Variants in LRFN5 observed in about 807,000 individuals in gnomAD.
The protein encoded by LRFN5 is leucine rich repeat and fibronectin type III domain containing 5.
LRFN5 carries 24 observed loss-of-function variants against 45.6 expected under a neutral mutation model. That is an observed-to-expected ratio of 0.53 (90% CI 0.38 to 0.74). The LOEUF (loss-of-function observed/expected upper bound fraction) is 0.74, where lower values mean the gene tolerates loss of function less well. Ranked by LOEUF, LRFN5 falls within the 30% of genes least tolerant of loss-of-function variation. The probability of loss-of-function intolerance (pLI) is 0.00; values close to 1 mark genes in which losing one functional copy is unlikely to be tolerated. For synonymous variants in LRFN5, 340 were observed against 313.8 expected (o/e 1.08, Z -0.88); for missense variants, 776 against 861.5 (o/e 0.90, Z 1.24).
intron 1 of LRFN5, among the ~76,000 whole-genome samples, chr14:41,727,979 G>T (rs1884007203): frequency 6.6e-6 from 1 of 152,080 alleles, no homozygotes; most frequent in Non-Finnish European, 1.5e-5. Flanking sequence ...TCTCCAGAGA[G>T]GTCAGTTGCA....
intron 4 of LRFN5, chr14:41,893,236 A>G (rs1890840681): frequency 1.0e-6 from 1 of 961,594 alleles, no homozygotes; most frequent in Admixed American, 6.2e-5. Context: ...GTAGAAACTA[A>G]TGTTGCTCCT....
intron 1 of LRFN5, among the ~76,000 whole-genome samples, chr14:41,747,553 C>A (rs973577714): frequency 6.6e-6 from 1 of 151,924 alleles, no homozygotes. Context: ...ATAACACTGA[C>A]AACTATAACC....
chr14:41,792,120 G>A (rs1481222725), intron 2 of LRFN5, among the ~76,000 whole-genome samples: 1 of 151,986 alleles, frequency 6.6e-6, no homozygotes, highest in Admixed American at 6.6e-5. Flanking sequence ...ATCACATATC[G>A]GTAGGACCAT....
chr14:41,731,007 A>G (rs1450312923), intron 1 of LRFN5, among the ~76,000 whole-genome samples: 1 of 152,074 alleles, frequency 6.6e-6, no homozygotes, highest in African/African-American at 2.4e-5. Context: ...TCATTTTTAA[A>G]AACAAAAGGA....
Position 41,671,617 on chromosome 14 carries a change from G to GTTTTTTTTTTTTTTTTTTTTTTTTTTT in LRFN5, c.-197+63075_-197+63076insTTTTTTTTTTTTTTTTTTTTTTTTTTT, listed in dbSNP as rs914212982. ...TGTGGAGGAGAGATTTTTTTTTTTC[G>GTTTTTTTTTTTTTTTTTTTTTTTTTTT]TTTTTTTTTTTTTTTTTTTTACGGA... is the stretch of plus-strand genomic sequence containing the variant. On this transcript the variant is annotated intron_variant, in intron 1 of 5. Coordinates refer to ENST00000298119, the MANE Select transcript of LRFN5 (RefSeq NM_152447.5). Among the ~76,000 whole-genome samples, 20 of 78,024 alleles carry GTTTTTTTTTTTTTTTTTTTTTTTTTTT rather than the reference G, an allele frequency of 2.6e-4. 4 individuals are homozygous for GTTTTTTTTTTTTTTTTTTTTTTTTTTT. Among genetic ancestry groups the GTTTTTTTTTTTTTTTTTTTTTTTTTTT allele is most frequent in the East Asian group, 1.3e-3 (3 of 2,292 alleles). 51.2% of individuals were successfully genotyped at this position (78,024 alleles called of 152,430 possible).
At chr14:41,839,395 T>C (rs1398132957) in intron 2 of LRFN5, among the ~76,000 whole-genome samples, 2 of 152,068 alleles carry the variant, frequency 1.3e-5, no homozygotes, top group African/African-American at 4.8e-5. Flanking sequence ...AAATGTATAT[T>C]TGATCCTTAA....
chr14:41,779,397 G>T (rs1050227095), intron 2 of LRFN5, among the ~76,000 whole-genome samples: 2 of 151,618 alleles, frequency 1.3e-5, no homozygotes, highest in African/African-American at 4.8e-5. Context: ...AGAAATTTTT[G>T]GATCTATGTT....
intron 2 of LRFN5, among the ~76,000 whole-genome samples, chr14:41,769,554 G>A (rs1025072201): frequency 2.0e-5 from 3 of 152,076 alleles, no homozygotes; most frequent in African/African-American, 7.2e-5. Context: ...ATGTATATAT[G>A]TGTACGTATA....
intron 2 of LRFN5, among the ~76,000 whole-genome samples, chr14:41,843,515 G>A (rs770312311): frequency 2.5e-4 from 38 of 151,624 alleles, no homozygotes; most frequent in South Asian, 4.2e-4. Flanking sequence ...TATAAAAATC[G>A]TCTTCTGTGT....
chr14:41,814,607 G>A (rs1480847608), intron 2 of LRFN5, among the ~76,000 whole-genome samples: 4 of 152,182 alleles, frequency 2.6e-5, no homozygotes, highest in African/African-American at 9.6e-5. Flanking sequence ...TTCTGGCCTG[G>A]CCTTGTTAGG....
chr14:41,752,611 G>C (rs1445770705), intron 1 of LRFN5, among the ~76,000 whole-genome samples: 3 of 152,092 alleles, frequency 2.0e-5, no homozygotes, highest in Admixed American at 6.6e-5. Flanking sequence ...TGATGGGGTT[G>C]TTTGTTTTTT....
chr14:41,660,864 CA>C (rs1355144888), intron 1 of LRFN5, among the ~76,000 whole-genome samples: 1 of 150,836 alleles, frequency 6.6e-6, no homozygotes, highest in African/African-American at 2.4e-5. Flanking sequence ...ATTTAGAATG[CA>C]TAGTTAAATA....
At chr14:41,769,655 AAATATAT>A (rs1886011069) in intron 2 of LRFN5, among the ~76,000 whole-genome samples, 1 of 152,184 alleles carries the variant, frequency 6.6e-6, no homozygotes, top group African/African-American at 2.4e-5. Context: ...TAATGACATT[AAATATAT>A]AATATTTAAG....
intron 1 of LRFN5, among the ~76,000 whole-genome samples, chr14:41,716,582 C>A (rs1354337460): frequency 2.0e-5 from 3 of 152,174 alleles, no homozygotes; most frequent in African/African-American, 7.2e-5. Context: ...CAGTTCCCAA[C>A]AAGATCCTCA....
At chr14:41,682,355 GTTAAAGT>G (rs761391899) in intron 1 of LRFN5, among the ~76,000 whole-genome samples, 5 of 151,922 alleles carry the variant, frequency 3.3e-5, no homozygotes, top group Non-Finnish European at 5.9e-5. Context: ...GGAGGACAAA[GTTAAAGT>G]TTAGAGTTTT....
intron 2 of LRFN5, among the ~76,000 whole-genome samples, chr14:41,782,616 T>C (rs553277451): frequency 6.6e-6 from 1 of 152,298 alleles, no homozygotes; most frequent in East Asian, 1.9e-4. Context: ...ACATGTGGCA[T>C]TGAGTAACAG....
rs146365234 is a variant in LRFN5 at position 41,878,613 on chromosome 14, C to T, written c.-20-7993C>T. On this transcript the variant is annotated intron_variant, in intron 2 of 5. Coordinates refer to ENST00000298119, the MANE Select transcript of LRFN5 (RefSeq NM_152447.5). The stretch of plus-strand genomic sequence containing the variant: ...TCAAATAACATATAATAAAGAGATA[C>T]GTAAATATTATCTAAATGCATCACT... Among the ~76,000 whole-genome samples, 676 of 152,088 alleles carry T rather than the reference C, an allele frequency of 4.4e-3. 4 individuals are homozygous for T. Among genetic ancestry groups the T allele is most frequent in the African/African-American group, 0.016 (652 of 41,508 alleles).
intron 1 of LRFN5, among the ~76,000 whole-genome samples, chr14:41,751,195 G>A (rs535486139): frequency 6.6e-6 from 1 of 152,158 alleles, no homozygotes; most frequent in African/African-American, 2.4e-5. Flanking sequence ...AATTCAAGAT[G>A]AGATTTGGGT....
chr14:41,734,095 G>A (rs1211289445), intron 1 of LRFN5, among the ~76,000 whole-genome samples: 2 of 137,012 alleles, frequency 1.5e-5, no homozygotes, highest in East Asian at 2.1e-4. Context: ...GCATGATCTC[G>A]GCTCACTGCA....
Sources: gnomAD v4.1 joint callset for allele counts (sites outside exome capture counted in the v4.1 genomes callset) on GRCh38, gnomAD v4.1.1 for gene constraint, MANE v1.5 for transcripts, NCBI Gene and HGNC (gene_info 2026-07-23, HGNC 2026-07-21) for gene names.